PLOD1: variants seen among roughly 807,000 people sequenced by gnomAD.
PLOD1 encodes the protein procollagen-lysine,2-oxoglutarate 5-dioxygenase 1.
PLOD1 carries 70 observed loss-of-function variants against 94.7 expected under a neutral mutation model. That is an observed-to-expected ratio of 0.74 (90% confidence interval 0.61 to 0.90). The LOEUF is 0.90. Among genes scored for constraint, PLOD1 ranks in the 40% least tolerant of loss-of-function variants. The pLI is 0.00. For missense variants in PLOD1, 905 were observed against 972.7 expected (o/e 0.93, Z 0.93); for synonymous variants, 417 against 400.2 (o/e 1.04, Z -0.50).
Position 11,975,067 on chromosome 1 carries a change from A to C in PLOD1, c.*259A>C, listed in dbSNP as rs1645894747. ...CATTCACTTTTACTGCTTTGTAGTGACTCGTGCTCTCCAACCTGTCTTCCT... is the reference window on the plus strand; with the variant it reads ...CATTCACTTTTACTGCTTTGTAGTGCCTCGTGCTCTCCAACCTGTCTTCCT... On this transcript the variant is annotated 3_prime_UTR_variant, in exon 19 of 19. Coordinates refer to ENST00000196061, the MANE Select transcript of PLOD1 (RefSeq NM_000302.4). The C allele has an allele frequency of 3.6e-6, 2 of 548,456 alleles. No homozygotes were observed. The highest frequency in any genetic ancestry group is 6.2e-5 in the Admixed American group (2 of 32,144). The allele number at this position is 548,456 out of a possible 1,614,324, so 34.0% of individuals were successfully genotyped here. A position where few individuals can be genotyped will look rare whatever the true frequency, so the allele number is the denominator to read the frequency against.
chr1:11,961,458 T>C (rs1009077667), intron 10 of PLOD1, among the ~76,000 whole-genome samples: 5 of 152,314 alleles, frequency 3.3e-5, no homozygotes, highest in African/African-American at 9.6e-5. Flanking sequence ...AGATCAAAGG[T>C]TGGCAAACTT....
At chr1:11,954,418 G>A (rs1412509268) in intron 5 of PLOD1, 6 of 430,206 alleles carry the variant, frequency 1.4e-5, no homozygotes, top group Admixed American at 2.5e-5. Flanking sequence ...CCCAGGAGGC[G>A]GAGGTTGCAG....
intron 4 of PLOD1, among the ~76,000 whole-genome samples, chr1:11,951,136 C>T (rs1002672623): frequency 6.6e-6 from 1 of 152,150 alleles, no homozygotes; most frequent in African/African-American, 2.4e-5. Context: ...TCTGCTCTCT[C>T]TGGCCCACAG....
rs552981938 is a variant in PLOD1 at position 11,958,738 on chromosome 1, G to C, written c.975+91G>C. On this transcript the variant is annotated intron_variant, in intron 9 of 18. Coordinates refer to ENST00000196061, the MANE Select transcript of PLOD1 (RefSeq NM_000302.4). The surrounding 1 kb of genome is among the most constrained non-coding windows in gnomAD (Gnocchi z 4.3). ...GCCCGAGACCTCTGAGGGTCTCACC[G>C]AATCTAGCTTATCTGGGCCAAATGA... 10 of 1,465,506 alleles carry C rather than the reference G, an allele frequency of 6.8e-6. No homozygotes were observed. Among genetic ancestry groups the C allele is most frequent in the Non-Finnish European group, 9.5e-6 (10 of 1,057,936 alleles). 90.8% of individuals were successfully genotyped at this position (1,465,506 alleles called of 1,614,324 possible). A position where few individuals can be genotyped will look rare whatever the true frequency, so the allele number is the denominator to read the frequency against.
At chr1:11,968,529 T>C (rs1415556261) in intron 16 of PLOD1, among the ~76,000 whole-genome samples, 2 of 151,786 alleles carry the variant, frequency 1.3e-5, no homozygotes, top group Admixed American at 1.3e-4. Flanking sequence ...TTTTTTTTTT[T>C]TTTGAATGGA....
At chr1:11,964,385 C>T in intron 12 of PLOD1, 85 bp downstream of exon 12, 1 of 1,386,814 alleles carries the variant, frequency 7.2e-7, no homozygotes, top group Non-Finnish European at 1.0e-6. Flanking sequence ...CCTATTATTC[C>T]TGTTCTTGTT....
At chr1:11,973,108 G>C in intron 18 of PLOD1, 111 bp downstream of exon 18, 1 of 1,167,818 alleles carries the variant, frequency 8.6e-7, no homozygotes, top group South Asian at 1.3e-5. Context: ...ACCAGTGCCA[G>C]AGAACCAGAA....
chr1:11,974,565 C>G (rs1442533280), intron 18 of PLOD1, 88 bp from the exon 19 acceptor site: 11 of 1,327,952 alleles, frequency 8.3e-6, no homozygotes, highest in African/African-American at 1.4e-5. Flanking sequence ...GTGCTGAGGG[C>G]CACTTGGCCA....
chr1:11,961,088 A>G (rs554295776), intron 10 of PLOD1, among the ~76,000 whole-genome samples: 1 of 151,108 alleles, frequency 6.6e-6, no homozygotes, highest in South Asian at 2.1e-4. Flanking sequence ...ACTTTATTAT[A>G]TATAAAAAAA....
intron 10 of PLOD1, among the ~76,000 whole-genome samples, chr1:11,962,625 C>G (rs1384704042): frequency 6.6e-6 from 1 of 152,120 alleles, no homozygotes; most frequent in Non-Finnish European, 1.5e-5. Flanking sequence ...CAGCCAAGTG[C>G]AGTGGCTGTA....
rs750820355 is a variant in PLOD1 at position 11,975,043 on chromosome 1, A to G, written c.*235A>G. The G allele has an allele frequency of 3.4e-5, 20 of 594,058 alleles. No homozygotes were observed. Among genetic ancestry groups the G allele is most frequent in the Non-Finnish European group, 4.5e-5 (15 of 333,466 alleles). The allele number at this position is 594,058 out of a possible 1,614,324, so 36.8% of individuals were successfully genotyped here. On this transcript the variant is annotated 3_prime_UTR_variant, in exon 19 of 19. Coordinates refer to ENST00000196061, the MANE Select transcript of PLOD1 (RefSeq NM_000302.4). Reference sequence around the variant, plus strand: ...TCTGGACCCAGCCCCTGGAGACACCATTCACTTTTACTGCTTTGTAGTGAC... The same window carrying G: ...TCTGGACCCAGCCCCTGGAGACACCGTTCACTTTTACTGCTTTGTAGTGAC...
intron 16 of PLOD1, among the ~76,000 whole-genome samples, chr1:11,968,839 CTTT>C (rs566417062): frequency 1.7e-4 from 21 of 124,028 alleles, no homozygotes; most frequent in Admixed American, 5.7e-4. Flanking sequence ...TTTCTACGTC[CTTT>C]TTTTTTTTTT....
intron 1 of PLOD1, among the ~76,000 whole-genome samples, chr1:11,942,179 C>T (rs987961211): frequency 1.3e-5 from 2 of 151,856 alleles, no homozygotes; most frequent in African/African-American, 2.4e-5. Flanking sequence ...GACGGGGTTT[C>T]ACCATGTTGG....
rs1461337964 is a variant in PLOD1, at chr1:11,970,685, G to A, written c.1771G>A (p.Gly591Ser). The A allele has an allele frequency of 6.2e-7, 1 of 1,612,976 alleles. No homozygotes were observed. The highest frequency in any genetic ancestry group is 8.5e-7 in the Non-Finnish European group (1 of 1,179,954). ...LGNNKDNRIQ[G>S]GYENVPTIDI... The stretch of plus-strand genomic sequence containing the variant: ...TCACCTCCAGGACAACCGCATCCAG[G>A]GTGGCTACGAGAACGTGCCGACTAT... Residue 591 changes from glycine to serine, a missense_variant, in exon 17 of 19, where the codon GGT becomes AGT. Transcript: ENST00000196061.
chr1:11,974,895 C>A lies in PLOD1; in HGVS notation c.*87C>A. On this transcript the variant is annotated 3_prime_UTR_variant, in exon 19 of 19. Transcript: ENST00000196061. ...CTGGGACCTCGGGGTCCCAGGGAAC[C>A]CAGTCCAGCCTCCTGGCTGTTGACT... The A allele has an allele frequency of 1.6e-6, 2 of 1,277,512 alleles. No homozygotes were observed. The highest frequency in any genetic ancestry group is 1.2e-5 in the South Asian group (1 of 84,146). 79.1% of individuals were successfully genotyped at this position (1,277,512 alleles called of 1,614,324 possible). A position where few individuals can be genotyped will look rare whatever the true frequency, so the allele number is the denominator to read the frequency against.
At position 11,964,703 on chromosome 1, in the gene PLOD1, G is replaced by A. The variant is rs750100311; in HGVS notation, c.1388G>A (p.Arg463Gln). ...TACTTGATCAAGGGCAGTGCCCTGC[G>A]GGGTGAGCTGCAGTCCTCAGATCTC... ...NIYLIKGSAL[R>Q]GELQSSDLFH... is the part of the protein sequence containing the mutation. The change falls in exon 13 of 19, where the codon CGG becomes CAG. Residue 463 changes from arginine (R) to glutamine (Q), a missense_variant. Transcript: ENST00000196061. 213 of 1,613,286 alleles carry A rather than the reference G, an allele frequency of 1.3e-4. No individual in the cohort carries two copies. The East Asian group carries it at 2.7e-3, about 20-fold the overall frequency.
rs202209753 is a variant in PLOD1, at chr1:11,975,231, AGGGACTTCTGCTTCAAGTTTTG to A, written c.*427_*448del. The A allele has an allele frequency of 3.7e-3, 1,056 of 283,074 alleles. 8 individuals are homozygous for A. The highest frequency in any genetic ancestry group is 0.012 in the Admixed American group (263 of 21,770). The allele number at this position is 283,074 out of a possible 1,614,324, so 17.5% of individuals were successfully genotyped here. A position where few individuals can be genotyped will look rare whatever the true frequency, so the allele number is the denominator to read the frequency against. On this transcript the variant is annotated 3_prime_UTR_variant, in exon 19 of 19. Coordinates refer to ENST00000196061, the MANE Select transcript of PLOD1 (RefSeq NM_000302.4). ...TTCTCCCAGGCACAGGTGTTGCACC[AGGGACTTCTGCTTCAAGTTTTG>A]GGGTAAAGACACCTGGATCAGACTC...
At chr1:11,961,742 T>G (rs1352513225) in intron 10 of PLOD1, among the ~76,000 whole-genome samples, 1 of 152,196 alleles carries the variant, frequency 6.6e-6, no homozygotes, top group Non-Finnish European at 1.5e-5. Context: ...CCCAAGAAGC[T>G]GGGACTACAG....
At position 11,954,705 on chromosome 1, in the gene PLOD1, G is replaced by A. The variant is rs1362978214; in HGVS notation, c.580-125G>A. 18 of 813,400 alleles carry A rather than the reference G, an allele frequency of 2.2e-5. 1 individual carries two copies. Among genetic ancestry groups the A allele is most frequent in the South Asian group, 4.0e-5 (3 of 74,594 alleles). 50.4% of individuals were successfully genotyped at this position (813,400 alleles called of 1,614,324 possible). A position where few individuals can be genotyped will look rare whatever the true frequency, so the allele number is the denominator to read the frequency against. On this transcript the variant is annotated intron_variant, in intron 5 of 18. Transcript: ENST00000196061. ...GGGCACCTAGCTGCCCTGATGTGAC[G>A]TGGCAGAGTCGGTGTGGGGAATGAG...
Sources: gnomAD v4.1 joint callset for allele counts (sites outside exome capture counted in the v4.1 genomes callset) on GRCh38, gnomAD v4.1.1 for gene constraint, Gnocchi (gnomAD v3.1) non-coding constraint, MANE v1.5 for transcripts, NCBI Gene and HGNC (gene_info 2026-07-23, HGNC 2026-07-21) for gene names.